Variants in MCC observed in about 807,000 individuals in gnomAD.
The protein encoded by MCC is colorectal mutant cancer protein.
MCC carries 90 observed loss-of-function variants against 116.2 expected under a neutral mutation model. The ratio of observed to expected loss-of-function variants is 0.77; its 90% CI spans 0.65 to 0.92. MCC has a LOEUF of 0.92. MCC is among the 40% of genes least tolerant of loss of function. The pLI, the probability that MCC is intolerant of heterozygous loss-of-function variation, is 0.00. For synonymous variants in MCC, 578 were observed against 510.5 expected (o/e 1.13, Z -1.78); for missense variants, 1,516 against 1,312.2 (o/e 1.16, Z -2.40).
chr5:113,102,854 C>T (rs1003031629), intron 7 of MCC, among the ~76,000 whole-genome samples: 8 of 151,790 alleles, frequency 5.3e-5, no homozygotes, highest in African/African-American at 9.7e-5. Flanking sequence ...CAGTGGCTCA[C>T]GCCTGTAATC....
intron 11 of MCC, among the ~76,000 whole-genome samples, chr5:113,073,939 T>C (rs1754230935): frequency 6.6e-6 from 1 of 152,186 alleles, no homozygotes; most frequent in Non-Finnish European, 1.5e-5. Context: ...CTCTGTAGAC[T>C]CCACCGCTGG....
chr5:113,319,271 A>C (rs1742769932), intron 3 of MCC, among the ~76,000 whole-genome samples: 1 of 152,242 alleles, frequency 6.6e-6, no homozygotes, highest in Admixed American at 6.5e-5. Context: ...TTGCTTACCA[A>C]AGCTCTGATC....
At chr5:113,134,924 C>T (rs1327631962) in intron 5 of MCC, among the ~76,000 whole-genome samples, 1 of 149,064 alleles carries the variant, frequency 6.7e-6, no homozygotes, top group Admixed American at 6.8e-5. Flanking sequence ...TGTAATTTTC[C>T]TTGTAGAGAA....
chr5:113,172,569 A>G (rs571946721), intron 3 of MCC, among the ~76,000 whole-genome samples: 1 of 152,348 alleles, frequency 6.6e-6, no homozygotes, highest in Admixed American at 6.5e-5. Context: ...ACACTTTGAC[A>G]TAACACAGAA....
intron 3 of MCC, among the ~76,000 whole-genome samples, chr5:113,200,668 A>C (rs1762635123): frequency 6.6e-6 from 1 of 152,236 alleles, no homozygotes; most frequent in Admixed American, 6.5e-5. Flanking sequence ...GATACAACTT[A>C]AGTTAAAAAG....
chr5:113,264,334 T>G (rs1470540377), intron 3 of MCC, among the ~76,000 whole-genome samples: 1 of 152,190 alleles, frequency 6.6e-6, no homozygotes, highest in East Asian at 1.9e-4. Flanking sequence ...AGGGCCTTAG[T>G]CACGGGTCAA....
At chr5:113,210,452 C>G (rs1339118823) in intron 3 of MCC, among the ~76,000 whole-genome samples, 3 of 152,032 alleles carry the variant, frequency 2.0e-5, no homozygotes, top group Non-Finnish European at 2.9e-5. Flanking sequence ...ATACATAAAA[C>G]CATAATCAAT....
intron 3 of MCC, among the ~76,000 whole-genome samples, chr5:113,220,430 T>C (rs1242251435): frequency 2.0e-5 from 3 of 152,134 alleles, no homozygotes; most frequent in Admixed American, 1.3e-4. Context: ...AGAGAATTTA[T>C]ATCATAGCAA....
chr5:113,046,685 C>CAAAAAAAAA (rs151183145), intron 16 of MCC, among the ~76,000 whole-genome samples: 46 of 58,378 alleles, frequency 7.9e-4, no homozygotes, highest in East Asian at 6.4e-3. Flanking sequence ...ACTCAAAAGG[C>CAAAAAAAAA]AAAAAAAAAA....
At chr5:113,162,654 G>A (rs13159159) in intron 3 of MCC, among the ~76,000 whole-genome samples, 86,866 of 151,768 alleles carry the variant, frequency 0.57, 26,093 homozygotes, top group Non-Finnish European at 0.66. Flanking sequence ...GCACCACCAC[G>A]TCCAACTAAT....
At chr5:113,166,717 A>ACC (rs1760789599) in intron 3 of MCC, among the ~76,000 whole-genome samples, 7 of 148,516 alleles carry the variant, frequency 4.7e-5, no homozygotes, top group East Asian at 4.0e-4. Flanking sequence ...AAAAAAAAAA[A>ACC]AAAAACAACC....
intron 3 of MCC, among the ~76,000 whole-genome samples, chr5:113,208,206 T>A (rs1762987608): frequency 6.6e-6 from 1 of 152,142 alleles, no homozygotes; most frequent in Non-Finnish European, 1.5e-5. Flanking sequence ...AAGATATGTA[T>A]CTTCAATACC....
chr5:113,211,391 C>G (rs1487695556), intron 3 of MCC, among the ~76,000 whole-genome samples: 3 of 152,216 alleles, frequency 2.0e-5, no homozygotes, highest in Non-Finnish European at 4.4e-5. Flanking sequence ...GTAGACCAAA[C>G]AGACTAAGAC....
intron 3 of MCC, among the ~76,000 whole-genome samples, chr5:113,200,601 G>A (rs1204015261): frequency 6.6e-6 from 1 of 152,222 alleles, no homozygotes. Flanking sequence ...GGTCTGCACA[G>A]CAGACTGAGC....
At chr5:113,047,910 G>C (rs553811131) in intron 16 of MCC, among the ~76,000 whole-genome samples, 1 of 152,006 alleles carries the variant, frequency 6.6e-6, no homozygotes, top group East Asian at 1.9e-4. Context: ...CCTGCTTTCA[G>C]ATGATGTGGA....
rs552628649 is a variant in MCC, at chr5:113,457,134, G to A, written c.170+31111C>T. Reference sequence around the variant, plus strand: ...AGAGCCCACTCCCTCAGCTTGCAGGGAGGTGTGGAGGGAGAGGCGGGAGCG... The same window carrying A: ...AGAGCCCACTCCCTCAGCTTGCAGGAAGGTGTGGAGGGAGAGGCGGGAGCG... On this transcript the variant is annotated intron_variant, in intron 1 of 18. Coordinates refer to ENST00000408903, the MANE Select transcript of MCC (RefSeq NM_001085377.2). 3.9e-5 allele frequency among the ~76,000 whole-genome samples: 6 copies of A among 152,322 alleles called. No individual in the cohort carries two copies. The South Asian group carries it at 1.2e-3, about 32-fold the overall frequency.
intron 3 of MCC, among the ~76,000 whole-genome samples, chr5:113,157,542 C>T (rs1386570294): frequency 6.6e-6 from 1 of 152,164 alleles, no homozygotes; most frequent in East Asian, 1.9e-4. Flanking sequence ...CCTCATGGTG[C>T]TGAGGGCTGG....
chr5:113,028,864 T>C, intron 18 of MCC, 70 bp downstream of exon 18: 1 of 1,548,456 alleles, frequency 6.5e-7, no homozygotes, highest in Non-Finnish European at 8.8e-7. Flanking sequence ...GTGCTGTGTC[T>C]ACATGCAGGG....
chr5:113,349,845 T>C (rs900059377), intron 2 of MCC, among the ~76,000 whole-genome samples: 4 of 152,034 alleles, frequency 2.6e-5, no homozygotes, highest in Non-Finnish European at 4.4e-5. Context: ...TCAGTAAAGT[T>C]GCAGGATACA....
Sources: gnomAD v4.1 joint callset for allele counts (sites outside exome capture counted in the v4.1 genomes callset) on GRCh38, gnomAD v4.1.1 for gene constraint, MANE v1.5 for transcripts, NCBI Gene and HGNC (gene_info 2026-07-23, HGNC 2026-07-21) for gene names.